Variants in CACNA1G observed in about 807,000 individuals in gnomAD.
CACNA1G encodes calcium voltage-gated channel subunit alpha1 G.
A neutral mutation model predicts 219.4 loss-of-function variants in CACNA1G; 67 were observed. The ratio of observed to expected loss-of-function variants is 0.31; its 90% confidence interval spans 0.25 to 0.37. The LOEUF (loss-of-function observed/expected upper bound fraction) is 0.37. Among genes scored for constraint, CACNA1G ranks in the 10% least tolerant of loss-of-function variants. The probability of loss-of-function intolerance (pLI) is 1.00; values close to 1 mark genes in which losing one functional copy is unlikely to be tolerated. For missense variants in CACNA1G, 2,380 were observed against 3,231.4 expected (o/e 0.74, Z 6.39); for synonymous variants, 1,296 against 1,345.3 (o/e 0.96, Z 0.80).
intron 13 of CACNA1G, among the ~76,000 whole-genome samples, chr17:50,594,741 G>A (rs982296047): frequency 3.9e-5 from 6 of 152,090 alleles, no homozygotes; most frequent in African/African-American, 1.4e-4. Context: ...ATTATGGGGG[G>A]ACCTGCCCTT....
At position 50,606,250 on chromosome 17, in the gene CACNA1G, CAG is replaced by C. The variant is rs1256606259; in HGVS notation, c.4422+230_4422+231del. ...CTAGCCGTCCTTAAAGATGAAGAAA[CAG>C]AGGCTCAGAGAGGGTAAGGGGCTTG... On this transcript the variant is annotated intron_variant, in intron 23 of 37. Coordinates refer to ENST00000359106, the MANE Select transcript of CACNA1G (RefSeq NM_018896.5). 5.5e-6 allele frequency: 4 copies of C among 730,146 alleles called. No individual in the cohort carries two copies. The Admixed American group carries it at 6.0e-5, about 11-fold the overall frequency. The allele number at this position is 730,146 out of a possible 1,614,324, so 45.2% of individuals were successfully genotyped here. A position where few individuals can be genotyped will look rare whatever the true frequency, so the allele number is the denominator to read the frequency against.
intron 16 of CACNA1G, among the ~76,000 whole-genome samples, chr17:50,598,231 G>T (rs899912539): frequency 6.6e-6 from 1 of 152,220 alleles, no homozygotes; most frequent in Non-Finnish European, 1.5e-5. Context: ...GTTTCACCAT[G>T]TTGGCCAGGC....
Position 50,600,056 on chromosome 17 carries a change from C to A in CACNA1G, c.3690+197C>A, listed in dbSNP as rs1012393093. 2.0e-5 allele frequency among the ~76,000 whole-genome samples: 3 copies of A among 152,212 alleles called. No homozygotes were observed. The highest frequency in any genetic ancestry group is 7.2e-5 in the African/African-American group (3 of 41,450). ...GCCCCAGATCCTTGTCATGCCTATG[C>A]CTGGGGCTGCGGCTCTGCCACCCTT... On this transcript the variant is annotated intron_variant, in intron 17 of 37. Coordinates refer to ENST00000359106, the MANE Select transcript of CACNA1G (RefSeq NM_018896.5). This position sits in a 1 kb window ranked among gnomAD's most constrained non-coding sequence, Gnocchi z 4.1.
chr17:50,596,557 C>T lies in CACNA1G; in HGVS notation c.2980-5C>T. ...CCCTAATGGTCCGCTGCTCCCCTGC[C>T]CTAGGGAGATGCCAACAAGTCCGAA... is the stretch of plus-strand genomic sequence containing the variant. On this transcript the variant is annotated splice_region_variant and splice_polypyrimidine_tract_variant and intron_variant, in intron 14 of 37. Coordinates refer to ENST00000359106, the MANE Select transcript of CACNA1G (RefSeq NM_018896.5). The surrounding 1 kb of genome is among the most constrained non-coding windows in gnomAD (Gnocchi z 4.8). 2 of 1,613,488 alleles carry T rather than the reference C, an allele frequency of 1.2e-6. No homozygotes were observed. The highest frequency in any genetic ancestry group is 1.7e-6 in the Non-Finnish European group (2 of 1,179,448).
intron 9 of CACNA1G, among the ~76,000 whole-genome samples, chr17:50,587,940 A>C (rs1400081742): frequency 2.0e-5 from 3 of 152,142 alleles, no homozygotes; most frequent in South Asian, 4.1e-4. Context: ...AACATCGGGG[A>C]GTGAAGAGAA....
At chr17:50,589,908 C>CTG (rs2043876777) in intron 9 of CACNA1G, among the ~76,000 whole-genome samples, 1 of 148,216 alleles carries the variant, frequency 6.7e-6, no homozygotes, top group African/African-American at 2.6e-5. Context: ...CTCTCTCTCT[C>CTG]TCTCTGTGTG....
rs2053913736 is a variant in CACNA1G at position 50,626,921 on chromosome 17, A to C, written c.*170A>C. The C allele has an allele frequency of 1.1e-6, 1 of 880,502 alleles. No individual in the cohort carries two copies. The highest frequency in any genetic ancestry group is 1.9e-6 in the Non-Finnish European group (1 of 534,008). The allele number at this position is 880,502 out of a possible 1,614,324, so 54.5% of individuals were successfully genotyped here. A position where few individuals can be genotyped will look rare whatever the true frequency, so the allele number is the denominator to read the frequency against. Reference sequence around the variant, plus strand: ...GCAAGCAGAACTTCCAAAGAGAGTTAAAAGCAGCAGCCCCGGCAACTCTGG... The same window carrying C: ...GCAAGCAGAACTTCCAAAGAGAGTTCAAAGCAGCAGCCCCGGCAACTCTGG... On this transcript the variant is annotated 3_prime_UTR_variant, in exon 38 of 38. Coordinates refer to ENST00000359106, the MANE Select transcript of CACNA1G (RefSeq NM_018896.5). The surrounding 1 kb of genome is among the most constrained non-coding windows in gnomAD (Gnocchi z 4.3).
chr17:50,612,645 C>T (rs1046572411), intron 26 of CACNA1G, among the ~76,000 whole-genome samples: 2 of 152,228 alleles, frequency 1.3e-5, no homozygotes, highest in Non-Finnish European at 2.9e-5. Context: ...CCTTTGCAAA[C>T]CCTCCGCCCT....
Position 50,576,096 on chromosome 17 carries a change from C to T in CACNA1G, c.1694C>T (p.Pro565Leu), listed in dbSNP as rs867000846. 1 of 1,592,516 alleles carries T rather than the reference C, an allele frequency of 6.3e-7. No homozygotes were observed. The highest frequency in any genetic ancestry group is 1.1e-5 in the South Asian group (1 of 87,460). Residue 565 changes from proline to leucine, a missense_variant, in exon 8 of 38, where the codon CCA becomes CTA. Pro to Leu is a moderately conservative substitution (Grantham distance 98). This residue lies in a region of CACNA1G where 434 missense variants were observed against 417.3 expected (regional missense o/e 1.04). Transcript: ENST00000359106. ...SFYHADCHLE[P>L]VRCQAPPPRS... is the part of the protein sequence containing the mutation. ...TACCATGCCGACTGCCACTTAGAGCCAGTCCGCTGCCAGGCGCCCCCTCCC... is the reference window on the plus strand; with the variant it reads ...TACCATGCCGACTGCCACTTAGAGCTAGTCCGCTGCCAGGCGCCCCCTCCC...
Position 50,626,450 on chromosome 17 carries a change from GCTCCCAAC to G in CACNA1G, c.6835_6842del (p.Ser2279ProfsTer8). 1 of 1,604,174 alleles carries G rather than the reference GCTCCCAAC, an allele frequency of 6.2e-7. No homozygotes were observed. Reference sequence around the variant, plus strand: ...ATCGCCGTCAGCTGCCTGGACAGCGGCTCCCAACCCCACCTGGGCACAGACCCCTCTAA... The same window carrying G: ...ATCGCCGTCAGCTGCCTGGACAGCGGCCCACCTGGGCACAGACCCCTCTAA... On this transcript the variant is annotated frameshift_variant, in exon 38 of 38. Coordinates refer to ENST00000359106, the MANE Select transcript of CACNA1G (RefSeq NM_018896.5). LOFTEE classifies it high-confidence loss of function. The surrounding 1 kb of genome is among the most constrained non-coding windows in gnomAD (Gnocchi z 4.3).
chr17:50,574,577 C>T (rs1208514120), intron 7 of CACNA1G, among the ~76,000 whole-genome samples: 3 of 152,152 alleles, frequency 2.0e-5, no homozygotes, highest in East Asian at 1.9e-4. Context: ...CCCCCACCCC[C>T]ACTCCCTTTC....
chr17:50,606,082 CATG>C, intron 23 of CACNA1G, 59 bp downstream of exon 23: 2 of 1,610,080 alleles, frequency 1.2e-6, no homozygotes, highest in Admixed American at 3.3e-5. Context: ...GGCACAGGGC[CATG>C]CTTAGTGATA....
chr17:50,571,694 G>A lies in CACNA1G; in HGVS notation c.587-184G>A, dbSNP rs940882113. On this transcript the variant is annotated intron_variant, in intron 4 of 37. Coordinates refer to ENST00000359106, the MANE Select transcript of CACNA1G (RefSeq NM_018896.5). This position sits in a 1 kb window ranked among gnomAD's most constrained non-coding sequence, Gnocchi z 4.3. ...GGCAAGCCACAAGGGGAAGTGGGTC[G>A]GGGCAAGGGGCTGCAGAGGCTATCT... 7.2e-5 allele frequency among the ~76,000 whole-genome samples: 11 copies of A among 152,176 alleles called. No individual in the cohort carries two copies. The highest frequency in any genetic ancestry group is 2.0e-4 in the Admixed American group (3 of 15,286).
intron 9 of CACNA1G, 69 bp from the exon 10 acceptor site, chr17:50,590,402 A>G: frequency 1.3e-6 from 2 of 1,544,180 alleles, no homozygotes; most frequent in Non-Finnish European, 1.8e-6. Flanking sequence ...CTGGTGTCCC[A>G]TGTTTGGAGG....
rs369471802 is a variant in CACNA1G, at chr17:50,626,361, C to T, written c.6744C>T (p.Ser2248=). The change falls in exon 38 of 38, where the codon AGC becomes AGT. Residue 2248 remains serine (S), a synonymous_variant. Transcript: ENST00000359106. This position sits in a 1 kb window ranked among gnomAD's most constrained non-coding sequence, Gnocchi z 4.3. ...PSPRDLKKCY[S]VEAQSCQRRP... is the part of the protein sequence containing the mutation. ...CACGGGACCTGAAGAAGTGCTACAG[C>T]GTGGAGGCCCAGAGCTGCCAGCGCC... 1.9e-5 allele frequency: 31 copies of T among 1,612,540 alleles called. No homozygotes were observed. The highest frequency in any genetic ancestry group is 1.6e-4 in the Middle Eastern group (1 of 6,084).
Position 50,600,530 on chromosome 17 carries a change from A to G in CACNA1G, c.3691-196A>G, listed in dbSNP as rs929618072. On this transcript the variant is annotated intron_variant, in intron 17 of 37. Coordinates refer to ENST00000359106, the MANE Select transcript of CACNA1G (RefSeq NM_018896.5). This position sits in a 1 kb window ranked among gnomAD's most constrained non-coding sequence, Gnocchi z 4.1. ...GTGGAGAGGCAAGGGGTCCTCAGGGATGGGGAGGGGGCCTGGCAAGGTTGA... is the reference window on the plus strand; with the variant it reads ...GTGGAGAGGCAAGGGGTCCTCAGGGGTGGGGAGGGGGCCTGGCAAGGTTGA... Among the ~76,000 whole-genome samples the G allele has an allele frequency of 6.6e-6, 1 of 151,246 alleles. No individual in the cohort carries two copies. The highest frequency in any genetic ancestry group is 2.4e-5 in the African/African-American group (1 of 41,058).
Position 50,590,502 on chromosome 17 carries a change from G to A in CACNA1G, c.2333G>A (p.Ser778Asn). 6.2e-7 allele frequency: 1 copy of A among 1,613,946 alleles called. No individual in the cohort carries two copies. Among genetic ancestry groups the A allele is most frequent in the Non-Finnish European group, 8.5e-7 (1 of 1,179,868 alleles). The part of the protein sequence containing the change: ...PEELTNALEI[S>N]NIVFTSLFAL... The stretch of plus-strand genomic sequence containing the variant: ...GAGCTTACCAACGCCCTAGAAATCA[G>A]CAACATCGTCTTCACCAGCCTCTTT... Residue 778 changes from serine (S) to asparagine (N), a missense_variant, in exon 10 of 38, where the codon AGC (serine) becomes AAC (asparagine). Physicochemically the swap from Ser to Asn is conservative, Grantham distance 46. Transcript: ENST00000359106.
At chr17:50,622,920 C>T (rs988803763) in intron 35 of CACNA1G, among the ~76,000 whole-genome samples, 10 of 152,060 alleles carry the variant, frequency 6.6e-5, no homozygotes, top group Non-Finnish European at 1.0e-4. Flanking sequence ...CCATTCAACT[C>T]ACCTGAACCC....
At chr17:50,598,234 G>A (rs1276067653) in intron 16 of CACNA1G, among the ~76,000 whole-genome samples, 4 of 152,166 alleles carry the variant, frequency 2.6e-5, no homozygotes, top group Non-Finnish European at 5.9e-5. Flanking sequence ...TCACCATGTT[G>A]GCCAGGCTGG....
Sources: allele counts gnomAD v4.1 joint callset (sites outside exome capture counted in the v4.1 genomes callset), GRCh38; gene constraint gnomAD v4.1.1; regional missense constraint gnomAD v4.1.1; non-coding constraint Gnocchi (gnomAD v3.1); transcripts MANE v1.5; gene names NCBI Gene and HGNC (gene_info 2026-07-23, HGNC 2026-07-21).